The following SOX5 variants were observed in gnomAD, a reference collection of about 807,000 sequenced individuals.
The protein encoded by SOX5 is transcription factor SOX-5.
A neutral mutation model predicts 92.0 loss-of-function variants in SOX5; 9 were observed. That is an observed-to-expected ratio of 0.10 (90% CI 0.06 to 0.17). The LOEUF is 0.17. Ranked by LOEUF, SOX5 falls within the 10% of genes least tolerant of loss-of-function variation. SOX5 has a pLI of 1.00. For missense variants in SOX5, 642 were observed against 944.5 expected, an observed-to-expected ratio of 0.68 and a Z score of 4.20; for synonymous variants, 344 against 336.3, an observed-to-expected ratio of 1.02 and a Z score of -0.25.
Position 24,393,081 on chromosome 12 carries a change from C to G in SOX5, c.-250-24442G>C, listed in dbSNP as rs1182995177. Among the ~76,000 whole-genome samples, 3 of 152,180 alleles carry G rather than the reference C, an allele frequency of 2.0e-5. No homozygotes were observed. In the East Asian group the frequency reaches 5.8e-4, roughly 29 times the overall value. On this transcript the variant is annotated intron_variant, in intron 1 of 4. Transcript: ENST00000446891. The surrounding 1 kb of genome is among the most constrained non-coding windows in gnomAD (Gnocchi z 5.0). ...GGGGGCATAAGTATTTTTTTCTTTT[C>G]TATCTCAACCACCACTCTCCCAATT...
intron 1 of SOX5, among the ~76,000 whole-genome samples, chr12:24,372,619 A>T (rs774260194): frequency 2.6e-5 from 4 of 152,148 alleles, no homozygotes; most frequent in Non-Finnish European, 5.9e-5. Flanking sequence ...TTATAGAGTG[A>T]TTTATAATCC....
intron 3 of SOX5, among the ~76,000 whole-genome samples, chr12:23,776,930 T>G (rs192632272): frequency 2.6e-5 from 4 of 152,314 alleles, no homozygotes; most frequent in Admixed American, 1.3e-4. Context: ...TATAGCCTTA[T>G]TGTCACTTCC....
intron 3 of SOX5, among the ~76,000 whole-genome samples, chr12:23,767,419 A>C (rs1203582563): frequency 1.3e-5 from 2 of 152,176 alleles, no homozygotes; most frequent in African/African-American, 4.8e-5. Flanking sequence ...TGGGAGAATC[A>C]CGTTACAAGC....
intron 2 of SOX5, among the ~76,000 whole-genome samples, chr12:23,883,399 AC>A (rs2097022432): frequency 6.6e-6 from 1 of 152,202 alleles, no homozygotes. Context: ...AATATTAGAA[AC>A]CTACAAGAAA....
intron 9 of SOX5, among the ~76,000 whole-genome samples, chr12:23,598,387 CTTTTTTTTTTTTTTT>C (rs201719026): frequency 0.32 from 30,811 of 96,300 alleles, 4,454 homozygotes; most frequent in Middle Eastern, 0.51. Context: ...TGTGCTTTAT[CTTTTTTTTTTTTTTT>C]TTTTTTTTTT....
chr12:24,199,656 G>T (rs1161099858), intron 4 of SOX5, among the ~76,000 whole-genome samples: 1 of 152,136 alleles, frequency 6.6e-6, no homozygotes, highest in East Asian at 1.9e-4. Flanking sequence ...TTAGAAAAAA[G>T]GAGACAGTAC....
chr12:24,125,979 C>T (rs1949069467), intron 4 of SOX5, among the ~76,000 whole-genome samples: 1 of 152,158 alleles, frequency 6.6e-6, no homozygotes, highest in Non-Finnish European at 1.5e-5. Context: ...ATTTCAATGG[C>T]CATGGGCACT....
intron 7 of SOX5, among the ~76,000 whole-genome samples, chr12:23,649,287 A>T (rs1471729388): frequency 1.3e-5 from 2 of 152,130 alleles, no homozygotes; most frequent in East Asian, 1.9e-4. Context: ...GTAAGAAAAA[A>T]AAAAGAGTTT....
intron 3 of SOX5, among the ~76,000 whole-genome samples, chr12:23,838,857 G>A (rs1372818841): frequency 7.7e-5 from 6 of 78,340 alleles, no homozygotes; most frequent in South Asian, 1.3e-3. Flanking sequence ...GGGGGGGGGC[G>A]GGGATGGAGT....
intron 3 of SOX5, among the ~76,000 whole-genome samples, chr12:23,831,548 A>G (rs1033713558): frequency 6.6e-6 from 1 of 152,074 alleles, no homozygotes; most frequent in Admixed American, 6.6e-5. Context: ...TGAAGGCTTG[A>G]GGTCTGCCAC....
chr12:23,603,279 T>C (rs1218779225), intron 9 of SOX5, among the ~76,000 whole-genome samples: 2 of 151,658 alleles, frequency 1.3e-5, no homozygotes, highest in Admixed American at 1.3e-4. Context: ...TTTTTGAGGA[T>C]TCTTGGATTT....
intron 2 of SOX5, among the ~76,000 whole-genome samples, chr12:23,878,953 G>C (rs1218116447): frequency 2.6e-5 from 4 of 152,082 alleles, no homozygotes; most frequent in Non-Finnish European, 5.9e-5. Flanking sequence ...TCTGAGTTAG[G>C]GGGTAGTAGT....
chr12:24,493,296 A>G (rs1054803603), intron 1 of SOX5, among the ~76,000 whole-genome samples: 3 of 152,218 alleles, frequency 2.0e-5, no homozygotes, highest in African/African-American at 7.2e-5. Flanking sequence ...CACTGAAAAC[A>G]AGCAAAGTCT....
chr12:23,838,843 T>TGGGCGG lies in SOX5; in HGVS notation c.481+7139_481+7140insCCGCCC, dbSNP rs55896803. ...CTAATTCCCAGTAGTTCTTTTTTTT[T>TGGGCGG]GGGGGGGGGGGGCGGGGATGGAGTC... On this transcript the variant is annotated intron_variant, in intron 3 of 14. Coordinates refer to ENST00000451604, the MANE Select transcript of SOX5 (RefSeq NM_006940.6). Among the ~76,000 whole-genome samples, 63 of 38,146 alleles carry TGGGCGG rather than the reference T, an allele frequency of 1.7e-3. 5 individuals are homozygous for TGGGCGG. The highest frequency in any genetic ancestry group is 2.5e-3 in the Non-Finnish European group (48 of 19,462). The allele number at this position is 38,146 out of a possible 152,430, so 25.0% of individuals were successfully genotyped here.
chr12:23,791,522 A>G (rs1413675234), intron 3 of SOX5, among the ~76,000 whole-genome samples: 1 of 152,200 alleles, frequency 6.6e-6, no homozygotes, highest in Non-Finnish European at 1.5e-5. Flanking sequence ...GCAGTGTTCA[A>G]TGGGCTGACA....
rs570840278 is a variant in SOX5 at position 24,081,254 on chromosome 12, CT to C, written c.-2+132088del. 4.0e-3 allele frequency among the ~76,000 whole-genome samples: 609 copies of C among 152,010 alleles called. 5 individuals are homozygous for C. Among genetic ancestry groups the C allele is most frequent in the African/African-American group, 0.014 (578 of 41,518 alleles). On this transcript the variant is annotated intron_variant, in intron 4 of 4. Transcript: ENST00000446891. ...CTCCTTGCAAAAAAATGCAAAACGT[CT>C]GCTAAAATCTGACTTCATTTGATTT...
chr12:24,481,032 A>G (rs1597157759), intron 1 of SOX5, among the ~76,000 whole-genome samples: 1 of 152,240 alleles, frequency 6.6e-6, no homozygotes, highest in East Asian at 1.9e-4. Context: ...ATAAATGAAC[A>G]AAGAACATGT....
chr12:23,831,973 C>CACACACACACAT (rs2096332690), intron 3 of SOX5, among the ~76,000 whole-genome samples: 1 of 151,512 alleles, frequency 6.6e-6, no homozygotes, highest in South Asian at 2.1e-4. Context: ...CACACACACA[C>CACACACACACAT]ACACACACAC....
chr12:23,804,943 A>G (rs1465121331), intron 3 of SOX5, among the ~76,000 whole-genome samples: 6 of 39,076 alleles, frequency 1.5e-4, no homozygotes, highest in African/African-American at 6.0e-4. Flanking sequence ...ATATATATAT[A>G]TATATATATA....
Sources: gnomAD v4.1 joint callset for allele counts (sites outside exome capture counted in the v4.1 genomes callset) on GRCh38, gnomAD v4.1.1 for gene constraint, Gnocchi (gnomAD v3.1) non-coding constraint, MANE v1.5 for transcripts, NCBI Gene and HGNC (gene_info 2026-07-23, HGNC 2026-07-21) for gene names.